The following KMT2C variants were observed in gnomAD, a reference collection of about 807,000 sequenced individuals.
KMT2C encodes the protein histone-lysine N-methyltransferase 2C.
In KMT2C, 88 loss-of-function variants were observed where a neutral mutation model predicts 507.9. The ratio of observed to expected loss-of-function variants is 0.17; its 90% CI spans 0.15 to 0.21. KMT2C has a LOEUF of 0.21. Ranked by LOEUF, KMT2C falls within the 10% of genes least tolerant of loss-of-function variation. The pLI, the probability that KMT2C is intolerant of heterozygous loss-of-function variation, is 1.00. For synonymous variants in KMT2C, 2,049 were observed against 2,080.8 expected, an observed-to-expected ratio of 0.98 and a Z score of 0.42; for missense variants, 4,954 against 5,957.8, an observed-to-expected ratio of 0.83 and a Z score of 5.55.
intron 2 of KMT2C, among the ~76,000 whole-genome samples, chr7:152,336,310 A>T (rs559110170): frequency 6.6e-6 from 1 of 152,200 alleles, no homozygotes; most frequent in Non-Finnish European, 1.5e-5. Flanking sequence ...AGATCTTAGT[A>T]TCTGTCAAAG....
intron 54 of KMT2C, 135 bp from the exon 55 acceptor site, chr7:152,145,016 C>G (rs1028097285): frequency 2.2e-6 from 3 of 1,357,594 alleles, no homozygotes; most frequent in Non-Finnish European, 2.0e-6. Context: ...CAGAGACACA[C>G]GGCGAGTTCT....
rs1413409903 is a variant in KMT2C, at chr7:152,181,505, G to C, written c.6355C>G (p.Pro2119Ala). 5 of 1,614,098 alleles carry C rather than the reference G, an allele frequency of 3.1e-6. No individual in the cohort carries two copies. The highest frequency in any genetic ancestry group is 4.2e-6 in the Non-Finnish European group (5 of 1,180,014). ...GATGTTGGCCTTGATATGGTTCCAG[G>C]CTGGGAAAAAGCCCTTGAAGGATGG... ...FAHPSRAFSQPGTISRPTSQD... is the reference protein window; with the variant it reads ...FAHPSRAFSQAGTISRPTSQD... The change falls in exon 36 of 59, where the codon CCT (proline) becomes GCT (alanine). Residue 2119 changes from proline to alanine, a missense_variant. This residue lies in a region of KMT2C where 1,689 missense variants were observed against 1,654.3 expected (regional missense o/e 1.02). Transcript: ENST00000262189.
intron 48 of KMT2C, among the ~76,000 whole-genome samples, chr7:152,153,731 T>TA (rs34303062): frequency 0.017 from 2,195 of 129,412 alleles, 49 homozygotes; most frequent in African/African-American, 0.044. Context: ...GTGTCTCTAT[T>TA]AAAAAAAAAA....
intron 31 of KMT2C, among the ~76,000 whole-genome samples, chr7:152,191,131 T>C (rs1394202752): frequency 6.6e-6 from 1 of 152,230 alleles, no homozygotes; most frequent in Non-Finnish European, 1.5e-5. Flanking sequence ...TATATTCTCT[T>C]AATAAATCTC....
At chr7:152,164,058 G>A (rs922192686) in intron 42 of KMT2C, among the ~76,000 whole-genome samples, 3 of 152,048 alleles carry the variant, frequency 2.0e-5, no homozygotes, top group African/African-American at 7.2e-5. Context: ...CTGTAAAAGT[G>A]CTTCACATAT....
At chr7:152,289,526 C>T (rs34384855) in intron 6 of KMT2C, among the ~76,000 whole-genome samples, 10,621 of 151,916 alleles carry the variant, frequency 0.07, 526 homozygotes, top group East Asian at 0.24. Context: ...CATGGAACAC[C>T]GGTTTTACAT....
In KMT2C at chr7:152,251,954, C is replaced by A; in HGVS notation, c.1606G>T (p.Ala536Ser). 6.2e-7 allele frequency: 1 copy of A among 1,607,684 alleles called. No homozygotes were observed. Among genetic ancestry groups the A allele is most frequent in the Non-Finnish European group, 8.5e-7 (1 of 1,177,348 alleles). Residue 536 changes from alanine (A) to serine (S), a missense_variant, in exon 11 of 59, where the codon GCT (alanine) becomes TCT (serine). By Grantham distance (99) the Ala-to-Ser change is moderately conservative. Transcript: ENST00000262189. ...RLQPGEEVEI[A>S]ELTTDYNNEM... ...TCAAATTTACCTGTAGTGAGCTCAG[C>A]TATCTCCACTTCCTCACCTGGCTGT...
chr7:152,142,408 G>C (rs1201890436), intron 55 of KMT2C, among the ~76,000 whole-genome samples: 1 of 152,188 alleles, frequency 6.6e-6, no homozygotes. Flanking sequence ...GGTAACATCA[G>C]TCTATATTTA....
rs573745923 is a variant in KMT2C, at chr7:152,387,422, G to A, written c.162-28747C>T. Among the ~76,000 whole-genome samples the A allele has an allele frequency of 7.6e-5, 10 of 131,234 alleles. No homozygotes were observed. The South Asian group carries it at 2.4e-3, about 31-fold the overall frequency. The allele number at this position is 131,234 out of a possible 152,430, so 86.1% of individuals were successfully genotyped here. ...ATGAAAAGATGTATAACATATACTA[G>A]TATGCCAAAAAAAAAAGTGACAAAA... On this transcript the variant is annotated intron_variant, in intron 1 of 58. Coordinates refer to ENST00000262189, the MANE Select transcript of KMT2C (RefSeq NM_170606.3).
At position 152,199,233 on chromosome 7, in the gene KMT2C, T is replaced by A. The variant is rs375109475; in HGVS notation, c.4273+46A>T. 8.5e-5 allele frequency: 120 copies of A among 1,417,512 alleles called. No individual in the cohort carries two copies. In the African/African-American group the frequency reaches 1.5e-3, roughly 17 times the overall value. The allele number at this position is 1,417,512 out of a possible 1,614,324, so 87.8% of individuals were successfully genotyped here. A position where few individuals can be genotyped will look rare whatever the true frequency, so the allele number is the denominator to read the frequency against. On this transcript the variant is annotated intron_variant, in intron 27 of 58. Coordinates refer to ENST00000262189, the MANE Select transcript of KMT2C (RefSeq NM_170606.3). ...AAAAGATTTAACTGAAAGGAAGATG[T>A]ATGTTATATGATATAAAGAAAATAT...
rs2093652486 is a variant in KMT2C, at chr7:152,187,152, C to A, written c.5008+110G>T. The A allele has an allele frequency of 7.7e-6, 6 of 782,398 alleles. No individual in the cohort carries two copies. The East Asian group carries it at 1.3e-4, about 16-fold the overall frequency. 48.5% of individuals were successfully genotyped at this position (782,398 alleles called of 1,614,324 possible). The stretch of plus-strand genomic sequence containing the variant: ...TCTAGGGAATCTTCATGTTGTGGGT[C>A]ATCATAGACAAAAATTAGTTAAGCT... On this transcript the variant is annotated intron_variant, in intron 33 of 58. Transcript: ENST00000262189.
intron 39 of KMT2C, among the ~76,000 whole-genome samples, chr7:152,171,788 T>C (rs938405830): frequency 5.9e-5 from 9 of 152,366 alleles, no homozygotes; most frequent in Admixed American, 2.0e-4. Flanking sequence ...TAAAAACTAA[T>C]TGAGAGCTTA....
chr7:152,196,881 G>A (rs2093979403), intron 27 of KMT2C, among the ~76,000 whole-genome samples: 1 of 152,134 alleles, frequency 6.6e-6, no homozygotes, highest in African/African-American at 2.4e-5. Flanking sequence ...CCAACGAGAG[G>A]CCAGAGTGTT....
chr7:152,182,694 A>T lies in KMT2C; in HGVS notation c.5266-100T>A. 3 of 1,064,772 alleles carry T rather than the reference A, an allele frequency of 2.8e-6. No individual in the cohort carries two copies. The South Asian group carries it at 4.8e-5, about 17-fold the overall frequency. 66.0% of individuals were successfully genotyped at this position (1,064,772 alleles called of 1,614,324 possible). A position where few individuals can be genotyped will look rare whatever the true frequency, so the allele number is the denominator to read the frequency against. ...ACAGAAAGTTAATTTGTTTGATGTC[A>T]GCGCTACCAGATTGCTCCCATATTA... On this transcript the variant is annotated intron_variant, in intron 35 of 58. Coordinates refer to ENST00000262189, the MANE Select transcript of KMT2C (RefSeq NM_170606.3).
chr7:152,393,878 CA>C (rs2097520266), intron 1 of KMT2C, among the ~76,000 whole-genome samples: 2 of 46,780 alleles, frequency 4.3e-5, no homozygotes, highest in Admixed American at 3.3e-4. Context: ...GCCTGGGCAA[CA>C]AGAAGCAAAA....
chr7:152,266,695 T>C (rs1348188710), intron 7 of KMT2C, among the ~76,000 whole-genome samples: 1 of 152,312 alleles, frequency 6.6e-6, no homozygotes, highest in Non-Finnish European at 1.5e-5. Context: ...AAGGGCCAGA[T>C]AGTAAATATT....
chr7:152,263,667 C>T (rs914932996), intron 8 of KMT2C, among the ~76,000 whole-genome samples: 9 of 152,052 alleles, frequency 5.9e-5, no homozygotes, highest in Non-Finnish European at 1.3e-4. Flanking sequence ...AAAGGTAATG[C>T]GGGTTCAAGT....
chr7:152,182,960 C>G lies in KMT2C; in HGVS notation c.5265+14G>C. The G allele has an allele frequency of 6.5e-7, 1 of 1,540,126 alleles. No homozygotes were observed. Among genetic ancestry groups the G allele is most frequent in the Non-Finnish European group, 8.7e-7 (1 of 1,147,848 alleles). On this transcript the variant is annotated intron_variant, in intron 35 of 58. Coordinates refer to ENST00000262189, the MANE Select transcript of KMT2C (RefSeq NM_170606.3). Reference sequence around the variant, plus strand: ...ATGCAACTTCAAAAAGTAGATTATCCAAAAATTCCATACCTGTCTAAATTT... The same window carrying G: ...ATGCAACTTCAAAAAGTAGATTATCGAAAAATTCCATACCTGTCTAAATTT...
intron 7 of KMT2C, among the ~76,000 whole-genome samples, chr7:152,271,509 T>C (rs1202109551): frequency 6.6e-6 from 1 of 151,744 alleles, no homozygotes; most frequent in African/African-American, 2.4e-5. Context: ...CTGTCTCTAC[T>C]AAAAATACAA....
Sources: gnomAD v4.1 joint callset for allele counts (sites outside exome capture counted in the v4.1 genomes callset) on GRCh38, gnomAD v4.1.1 for gene constraint, gnomAD v4.1.1 regional missense constraint, MANE v1.5 for transcripts, NCBI Gene and HGNC (gene_info 2026-07-23, HGNC 2026-07-21) for gene names.